The following ATP2C1 variants were observed in gnomAD, a reference collection of about 807,000 sequenced individuals.
ATP2C1 encodes the protein ATPase secretory pathway Ca2+ transporting 1, also known as calcium-transporting ATPase type 2C member 1.
In ATP2C1, 31 loss-of-function variants were observed where a neutral mutation model predicts 120.5. The observed-to-expected ratio is 0.26, with a 90% CI of 0.19 to 0.35. The LOEUF (loss-of-function observed/expected upper bound fraction) is 0.35. Ranked by LOEUF, ATP2C1 falls within the 10% of genes least tolerant of loss-of-function variation. The pLI is 1.00. For synonymous variants in ATP2C1, 351 were observed against 358.7 expected, an observed-to-expected ratio of 0.98 and a Z score of 0.24; for missense variants, 731 against 1,107.5, an observed-to-expected ratio of 0.66 and a Z score of 4.83.
intron 18 of ATP2C1, among the ~76,000 whole-genome samples, chr3:130,976,921 T>C (rs1272608725): frequency 2.6e-5 from 4 of 152,208 alleles, no homozygotes; most frequent in Admixed American, 2.0e-4. Context: ...CCTCGTACAT[T>C]GTACCGTCAC....
At chr3:130,991,360 A>G (rs2062332504) in intron 20 of ATP2C1, among the ~76,000 whole-genome samples, 1 of 152,140 alleles carries the variant, frequency 6.6e-6, no homozygotes, top group African/African-American at 2.4e-5. Flanking sequence ...GAAAGTCATG[A>G]ATCGTGTTTC....
intron 2 of ATP2C1, among the ~76,000 whole-genome samples, chr3:130,913,396 G>A (rs146288122): frequency 6.6e-6 from 1 of 152,220 alleles, no homozygotes; most frequent in Non-Finnish European, 1.5e-5. Flanking sequence ...TAACAGAATA[G>A]AGCCTCGTGG....
In ATP2C1 at chr3:130,998,356, T is replaced by C; in HGVS notation, c.2454T>C (p.Phe818=). The stretch of plus-strand genomic sequence containing the variant: ...TGACCTTCACATGCTTTGTGTTTTT[T>C]GACATGTTCAATGCACTAAGTTCCA... ...TTMTFTCFVF[F]DMFNALSSRS... Residue 818 remains phenylalanine (F), a synonymous_variant, in exon 26 of 28, where the codon TTT becomes TTC. Coordinates refer to ENST00000510168, the MANE Select transcript of ATP2C1 (RefSeq NM_001378687.1). 1 of 1,612,090 alleles carries C rather than the reference T, an allele frequency of 6.2e-7. No individual in the cohort carries two copies. The highest frequency in any genetic ancestry group is 1.3e-5 in the African/African-American group (1 of 74,988).
At chr3:130,959,146 ATCT>A (rs1198081136) in intron 11 of ATP2C1, 126 bp from the exon 12 acceptor site, 5 of 662,614 alleles carry the variant, frequency 7.5e-6, no homozygotes, top group Non-Finnish European at 1.3e-5. Flanking sequence ...TTTTTATAAA[ATCT>A]TCTAATTGTG....
chr3:130,896,360 A>G (rs1205772528), intron 2 of ATP2C1, among the ~76,000 whole-genome samples: 1 of 152,202 alleles, frequency 6.6e-6, no homozygotes, highest in Non-Finnish European at 1.5e-5. Flanking sequence ...GTGGCCAAAT[A>G]TGAATTTTGT....
chr3:130,954,454 T>C (rs1349489897), intron 9 of ATP2C1, among the ~76,000 whole-genome samples: 1 of 152,178 alleles, frequency 6.6e-6, no homozygotes, highest in East Asian at 1.9e-4. Flanking sequence ...GAAATACTAA[T>C]ATAGGCAAAA....
At chr3:130,925,936 C>T (rs2059184277) in intron 2 of ATP2C1, among the ~76,000 whole-genome samples, 1 of 152,142 alleles carries the variant, frequency 6.6e-6, no homozygotes, top group Admixed American at 6.5e-5. Flanking sequence ...TACCTTGCTT[C>T]CATGCAACCT....
chr3:131,001,227 G>A lies in ATP2C1; in HGVS notation c.2637G>A (p.Leu879=). The A allele has an allele frequency of 2.5e-6, 4 of 1,604,722 alleles. No individual in the cohort carries two copies. The South Asian group carries it at 3.3e-5, about 13-fold the overall frequency. Residue 879 remains leucine, a synonymous_variant, in exon 28 of 28, where the codon TTG becomes TTA. Coordinates refer to ENST00000510168, the MANE Select transcript of ATP2C1 (RefSeq NM_001378687.1). ...ACTTATTTTCTCTTGCAGATCTGTT[G>A]TTTCTTTTGGGTCTCACCTCATCAG... ...QTESLSILDL[L]FLLGLTSSVC...
upstream of ATP2C1, among the ~76,000 whole-genome samples, chr3:130,892,158 T>C (rs953282453): frequency 6.6e-6 from 1 of 152,204 alleles, no homozygotes; most frequent in Non-Finnish European, 1.5e-5. Flanking sequence ...ATACAACAGA[T>C]AGTTCTGAAA....
intron 5 of ATP2C1, among the ~76,000 whole-genome samples, chr3:130,935,689 G>A (rs145235466): frequency 1.2e-4 from 19 of 152,306 alleles, no homozygotes; most frequent in African/African-American, 4.6e-4. Context: ...AATGGCAGGT[G>A]AAACTGTTAG....
chr3:130,960,513 C>G (rs2060774053), intron 12 of ATP2C1, among the ~76,000 whole-genome samples: 1 of 152,176 alleles, frequency 6.6e-6, no homozygotes, highest in Admixed American at 6.6e-5. Flanking sequence ...ATAATTATAA[C>G]TTTCCTAGTC....
In ATP2C1 at chr3:130,871,883, G is replaced by T. The variant is rs115724670; in HGVS notation, c.108+20955G>T. 4.3e-3 allele frequency among the ~76,000 whole-genome samples: 659 copies of T among 152,210 alleles called. 3 individuals are homozygous for T. Among genetic ancestry groups the T allele is most frequent in the African/African-American group, 0.015 (629 of 41,516 alleles). On this transcript the variant is annotated intron_variant, in intron 1 of 26. Transcript: ENST00000504381. ...TAAAAAGTACAAAAATTAGCCAGGC[G>T]TGCTGGCGCGTGCCTATAACCCCTG... is the stretch of plus-strand genomic sequence containing the variant.
At chr3:130,958,342 A>G (rs1267448839) in intron 11 of ATP2C1, among the ~76,000 whole-genome samples, 1 of 152,132 alleles carries the variant, frequency 6.6e-6, no homozygotes, top group African/African-American at 2.4e-5. Context: ...AAATATGTAA[A>G]TAAATGAGTG....
intron 8 of ATP2C1, among the ~76,000 whole-genome samples, chr3:130,944,935 T>G: frequency 6.6e-6 from 1 of 152,258 alleles, no homozygotes; most frequent in East Asian, 1.9e-4. Context: ...TCTAGATTAC[T>G]TATAACTCCT....
At chr3:130,987,666 CT>C (rs1376749019) in intron 20 of ATP2C1, among the ~76,000 whole-genome samples, 1 of 152,200 alleles carries the variant, frequency 6.6e-6, no homozygotes, top group Non-Finnish European at 1.5e-5. Context: ...GTTTGAATAA[CT>C]TTTATTATTG....
chr3:130,865,999 A>G (rs2068164956), intron 1 of ATP2C1, among the ~76,000 whole-genome samples: 1 of 152,088 alleles, frequency 6.6e-6, no homozygotes, highest in South Asian at 2.1e-4. Context: ...TGAAATGTCT[A>G]CTTTTTTCAT....
chr3:130,918,934 G>A (rs898009890), intron 2 of ATP2C1: 13 of 341,626 alleles, frequency 3.8e-5, no homozygotes, highest in South Asian at 9.5e-5. Context: ...GGAGCTTACC[G>A]TGAGCCTAGA....
intron 6 of ATP2C1, 83 bp downstream of exon 6, chr3:130,937,546 T>C (rs748421080): frequency 8.7e-6 from 10 of 1,151,018 alleles, no homozygotes; most frequent in Admixed American, 1.7e-5. Context: ...CCTACCGTTA[T>C]TGGGGGGTTG....
chr3:130,970,368 T>C (rs952146209), intron 17 of ATP2C1, among the ~76,000 whole-genome samples: 4 of 24,542 alleles, frequency 1.6e-4, no homozygotes, highest in Admixed American at 8.0e-4. Context: ...AAAAAAAAAA[T>C]TACACACACA....
Sources: gnomAD v4.1 joint callset for allele counts (sites outside exome capture counted in the v4.1 genomes callset) on GRCh38, gnomAD v4.1.1 for gene constraint, MANE v1.5 for transcripts, NCBI Gene and HGNC (gene_info 2026-07-23, HGNC 2026-07-21) for gene names.